FHIT: variants seen among roughly 807,000 people sequenced by gnomAD.
The protein encoded by FHIT is bis(5'-adenosyl)-triphosphatase.
In FHIT, 19 loss-of-function variants were observed where a neutral mutation model predicts 17.9. The ratio of observed to expected loss-of-function variants is 1.06; its 90% CI spans 0.74 to 1.56. The LOEUF (loss-of-function observed/expected upper bound fraction) is 1.56. Ranked by LOEUF, FHIT falls within the 40% of genes most tolerant of loss-of-function variation. FHIT has a pLI of 0.00. For missense variants in FHIT, 248 were observed against 189.2 expected (o/e 1.31, Z -1.82); for synonymous variants, 81 against 69.7 (o/e 1.16, Z -0.81).
intron 4 of FHIT, among the ~76,000 whole-genome samples, chr3:60,662,198 T>C (rs1406898433): frequency 1.3e-5 from 2 of 152,206 alleles, no homozygotes; most frequent in African/African-American, 4.8e-5. Flanking sequence ...CTTTGAACCA[T>C]CTTGAGTTGA....
In FHIT at chr3:59,895,691, T is replaced by C. The variant is rs976533143; in HGVS notation, c.348+26655A>G. ...GAAGCCTAAGCCACCATCATCAACA[T>C]CTCTAATGAGTCACTTTGCTTTTGC... is the stretch of plus-strand genomic sequence containing the variant. On this transcript the variant is annotated intron_variant, in intron 8 of 9. Transcript: ENST00000492590. Among the ~76,000 whole-genome samples, 6 of 152,324 alleles carry C rather than the reference T, an allele frequency of 3.9e-5. No homozygotes were observed. The South Asian group carries it at 8.3e-4, about 21-fold the overall frequency.
chr3:59,779,216 A>G (rs1395607464), intron 8 of FHIT, among the ~76,000 whole-genome samples: 3 of 152,216 alleles, frequency 2.0e-5, no homozygotes, highest in African/African-American at 7.2e-5. Flanking sequence ...AGATGCCATC[A>G]TTAGGTGCCA....
intron 8 of FHIT, among the ~76,000 whole-genome samples, chr3:59,829,922 A>G (rs1358349262): frequency 1.3e-5 from 2 of 151,990 alleles, no homozygotes; most frequent in African/African-American, 4.8e-5. Context: ...CCCCATATCT[A>G]CAAAAATAAA....
chr3:61,249,225 T>C (rs1437578193), intron 1 of FHIT, among the ~76,000 whole-genome samples: 1 of 152,210 alleles, frequency 6.6e-6, no homozygotes, highest in Non-Finnish European at 1.5e-5. Context: ...ATAAGATGCT[T>C]GGTTCTAGTC....
chr3:61,224,907 G>A (rs2039931804), intron 1 of FHIT, among the ~76,000 whole-genome samples: 2 of 152,164 alleles, frequency 1.3e-5, no homozygotes, highest in Admixed American at 1.3e-4. Flanking sequence ...ATAGCCACAT[G>A]TTTGAGGTTT....
chr3:60,448,733 C>T (rs988975703), intron 5 of FHIT, among the ~76,000 whole-genome samples: 4 of 152,144 alleles, frequency 2.6e-5, no homozygotes, highest in African/African-American at 9.7e-5. Flanking sequence ...CGTGCCTTTC[C>T]TAGCTATTCT....
chr3:60,598,471 G>T (rs2226971), intron 4 of FHIT, among the ~76,000 whole-genome samples: 85,673 of 152,046 alleles, frequency 0.56, 24,753 homozygotes, highest in Middle Eastern at 0.67. Context: ...TGTGTTGAGT[G>T]TTTGAGGATA....
intron 5 of FHIT, among the ~76,000 whole-genome samples, chr3:60,451,787 C>T (rs1450084457): frequency 1.3e-5 from 2 of 152,038 alleles, no homozygotes; most frequent in Non-Finnish European, 2.9e-5. Flanking sequence ...ATAGGTAGCA[C>T]TGGGAGATTG....
chr3:61,213,215 T>C (rs565340044), intron 1 of FHIT, among the ~76,000 whole-genome samples: 13 of 152,294 alleles, frequency 8.5e-5, no homozygotes, highest in African/African-American at 3.1e-4. Flanking sequence ...ACTGGCAAAT[T>C]GGATAAAGAG....
In FHIT at chr3:60,964,186, T is replaced by C. The variant is rs530471060; in HGVS notation, c.-111+77861A>G. Among the ~76,000 whole-genome samples, 4 of 152,344 alleles carry C rather than the reference T, an allele frequency of 2.6e-5. No individual in the cohort carries two copies. The South Asian group carries it at 8.3e-4, about 32-fold the overall frequency. On this transcript the variant is annotated intron_variant, in intron 3 of 9. Transcript: ENST00000492590. ...AATTGATCCCTTTACCATTATGTAA[T>C]GGCCTTCTTTGTCTCTTTTCATCTT...
At chr3:60,426,842 T>G (rs1037235342) in intron 5 of FHIT, among the ~76,000 whole-genome samples, 5 of 152,122 alleles carry the variant, frequency 3.3e-5, no homozygotes, top group Admixed American at 3.3e-4. Flanking sequence ...CTCTACGACT[T>G]TTGGTCAGCA....
At chr3:60,947,838 A>T (rs1334852390) in intron 3 of FHIT, among the ~76,000 whole-genome samples, 1 of 152,224 alleles carries the variant, frequency 6.6e-6, no homozygotes. Context: ...AGTCCAGATA[A>T]CATCTAGATA....
intron 5 of FHIT, among the ~76,000 whole-genome samples, chr3:60,069,595 C>T (rs1702674168): frequency 6.6e-6 from 1 of 152,156 alleles, no homozygotes; most frequent in East Asian, 1.9e-4. Context: ...TTCAGTTAAC[C>T]ATCATTTTCA....
chr3:60,350,349 C>T (rs1200641038), intron 5 of FHIT, among the ~76,000 whole-genome samples: 1 of 152,142 alleles, frequency 6.6e-6, no homozygotes, highest in Non-Finnish European at 1.5e-5. Flanking sequence ...AAGTGGGTTT[C>T]AGCTACTAAT....
chr3:60,613,548 A>G, intron 4 of FHIT, among the ~76,000 whole-genome samples: 1 of 152,220 alleles, frequency 6.6e-6, no homozygotes, highest in South Asian at 2.1e-4. Flanking sequence ...TTTTCTGCTT[A>G]TATCTTTCTT....
At chr3:59,940,627 G>C (rs562302378) in intron 7 of FHIT, among the ~76,000 whole-genome samples, 1 of 152,186 alleles carries the variant, frequency 6.6e-6, no homozygotes, top group Non-Finnish European at 1.5e-5. Context: ...GAGCTCTAAA[G>C]TCAGATGAGC....
intron 7 of FHIT, among the ~76,000 whole-genome samples, chr3:59,974,338 A>G (rs1360515724): frequency 1.3e-5 from 2 of 152,180 alleles, no homozygotes; most frequent in Non-Finnish European, 2.9e-5. Context: ...CAAAGTAAAA[A>G]TGGTGAAATT....
intron 4 of FHIT, among the ~76,000 whole-genome samples, chr3:60,564,566 G>C (rs2037065848): frequency 6.6e-6 from 1 of 152,140 alleles, no homozygotes; most frequent in Non-Finnish European, 1.5e-5. Context: ...TGCATGGGAG[G>C]TCAACATGAA....
At chr3:60,411,144 G>T (rs1451435692) in intron 5 of FHIT, among the ~76,000 whole-genome samples, 1 of 152,112 alleles carries the variant, frequency 6.6e-6, no homozygotes, top group Non-Finnish European at 1.5e-5. Context: ...AACGATCTAA[G>T]ATTCAAGCAC....
Sources: gnomAD v4.1 joint callset for allele counts (sites outside exome capture counted in the v4.1 genomes callset) on GRCh38, gnomAD v4.1.1 for gene constraint, MANE v1.5 for transcripts, NCBI Gene and HGNC (gene_info 2026-07-23, HGNC 2026-07-21) for gene names.